The following ZNF536 variants were observed in gnomAD, a reference collection of about 807,000 sequenced individuals.
ZNF536 encodes the protein zinc finger protein 536.
In ZNF536, 13 loss-of-function variants were observed where a neutral mutation model predicts 84.5. The ratio of observed to expected loss-of-function variants is 0.15; its 90% CI spans 0.10 to 0.24. ZNF536 has a LOEUF of 0.24. Ranked by LOEUF, ZNF536 falls within the 10% of genes least tolerant of loss-of-function variation. The pLI is 1.00. For synonymous variants in ZNF536, 811 were observed against 742.5 expected (o/e 1.09, Z -1.50); for missense variants, 1,536 against 1,747.5 (o/e 0.88, Z 2.16).
intron 1 of ZNF536, among the ~76,000 whole-genome samples, chr19:30,633,421 A>G (rs1162054457): frequency 6.6e-6 from 1 of 152,242 alleles, no homozygotes; most frequent in Non-Finnish European, 1.5e-5. Flanking sequence ...TTATAAGAAT[A>G]TTACAAATTT....
chr19:30,229,408 T>C (rs927623742), intron 1 of ZNF536, among the ~76,000 whole-genome samples: 1 of 152,214 alleles, frequency 6.6e-6, no homozygotes, highest in Non-Finnish European at 1.5e-5. Flanking sequence ...TCAAATTTTA[T>C]TGAAAATATG....
At chr19:30,638,042 C>T (rs1029464876) in intron 1 of ZNF536, among the ~76,000 whole-genome samples, 1 of 152,030 alleles carries the variant, frequency 6.6e-6, no homozygotes, top group Non-Finnish European at 1.5e-5. Context: ...CGATGCAAGC[C>T]CTGAAAACTC....
chr19:30,418,530 A>C (rs930160713), intron 1 of ZNF536, among the ~76,000 whole-genome samples: 1 of 152,208 alleles, frequency 6.6e-6, no homozygotes. Context: ...AAACTTGTGC[A>C]TCCTTCCTCA....
intron 2 of ZNF536, among the ~76,000 whole-genome samples, chr19:30,288,088 C>T (rs1372362799): frequency 6.6e-6 from 1 of 152,136 alleles, no homozygotes; most frequent in Non-Finnish European, 1.5e-5. Context: ...TGAAAACCAC[C>T]CTGTTATAAA....
intron 1 of ZNF536, among the ~76,000 whole-genome samples, chr19:30,266,155 C>T (rs1003827983): frequency 6.6e-6 from 1 of 152,188 alleles, no homozygotes; most frequent in African/African-American, 2.4e-5. Context: ...CTCAAGCAAT[C>T]CTCCCATCTC....
rs571523882 is a variant in ZNF536, at chr19:30,444,390, T to C, written c.828T>C (p.Cys276=). The change falls in exon 2 of 5, where the codon TGT becomes TGC. Residue 276 remains cysteine (C), a synonymous_variant. Coordinates refer to ENST00000355537, the MANE Select transcript of ZNF536 (RefSeq NM_014717.3). Reference sequence around the variant, plus strand: ...TGGCCCCGGCGGCGGGCTTCCGCTGTACCTTCTGCAAGGGCAAGTTCAAGA... The same window carrying C: ...TGGCCCCGGCGGCGGGCTTCCGCTGCACCTTCTGCAAGGGCAAGTTCAAGA... The part of the protein sequence containing the change: ...DAVAPAAGFR[C]TFCKGKFKKR... 1.0e-5 allele frequency: 16 copies of C among 1,606,510 alleles called. No individual in the cohort carries two copies. Among genetic ancestry groups the C allele is most frequent in the Non-Finnish European group, 1.3e-5 (15 of 1,179,722 alleles).
chr19:30,369,253 T>A (rs914837369), upstream of ZNF536, among the ~76,000 whole-genome samples: 2 of 152,094 alleles, frequency 1.3e-5, no homozygotes, highest in African/African-American at 4.8e-5. Flanking sequence ...TTCAATAGAG[T>A]TTTCGCAAAG....
At position 30,617,275 on chromosome 19, in the gene ZNF536, C is replaced by T. The variant is rs1781930868; in HGVS notation, c.169+67761C>T. On this transcript the variant is annotated intron_variant, in intron 1 of 1. Transcript: ENST00000592773. ...ACCCAATGTGTTGTCTTTCATCCCT[C>T]ACTCCCCTCCCACCCTTTCCCCACA... Among the ~76,000 whole-genome samples the T allele has an allele frequency of 3.3e-5, 5 of 149,288 alleles. No individual in the cohort carries two copies. The South Asian group carries it at 1.1e-3, about 32-fold the overall frequency.
At chr19:30,507,783 G>A (rs1364080534) in intron 2 of ZNF536, among the ~76,000 whole-genome samples, 1 of 152,150 alleles carries the variant, frequency 6.6e-6, no homozygotes, top group African/African-American at 2.4e-5. Flanking sequence ...AAAATATTAT[G>A]ACTATTTTAA....
intron 1 of ZNF536, among the ~76,000 whole-genome samples, chr19:30,402,976 A>C (rs1169249276): frequency 6.6e-6 from 1 of 151,742 alleles, no homozygotes. Context: ...TTCTCCCTGG[A>C]GTCAAGGAAT....
chr19:30,711,452 G>C (rs1794763172), exon 2 of ZNF536: 1 of 152,112 alleles, frequency 6.6e-6, no homozygotes, highest in East Asian at 1.9e-4. Flanking sequence ...GCTGTAATTC[G>C]CCTAGAACCC....
chr19:30,622,087 T>A (rs1398120267), intron 1 of ZNF536, among the ~76,000 whole-genome samples: 1 of 152,192 alleles, frequency 6.6e-6, no homozygotes, highest in Non-Finnish European at 1.5e-5. Flanking sequence ...TTTCTCCTGC[T>A]GATGCAAGAG....
intron 2 of ZNF536, among the ~76,000 whole-genome samples, chr19:30,340,898 G>A (rs1026762237): frequency 1.3e-5 from 2 of 152,170 alleles, no homozygotes; most frequent in Non-Finnish European, 2.9e-5. Context: ...CATCGTGTGT[G>A]TGTTTTATGT....
upstream of ZNF536, among the ~76,000 whole-genome samples, chr19:30,368,372 G>A (rs574550547): frequency 2.0e-5 from 3 of 152,312 alleles, no homozygotes; most frequent in Admixed American, 6.5e-5. Flanking sequence ...CAAATGTGAA[G>A]TGTCACCAAA....
chr19:30,245,710 G>T (rs1399280166), intron 1 of ZNF536, among the ~76,000 whole-genome samples: 3 of 152,242 alleles, frequency 2.0e-5, no homozygotes, highest in African/African-American at 7.2e-5. Context: ...TTCTCCCTTT[G>T]TAGGGGCACT....
chr19:30,691,427 A>T lies in ZNF536; in HGVS notation c.170-19330A>T, dbSNP rs913947145. 2.1e-5 allele frequency among the ~76,000 whole-genome samples: 3 copies of T among 146,288 alleles called. No individual in the cohort carries two copies. In the East Asian group the frequency reaches 6.2e-4, roughly 30 times the overall value. ...GAGACATTCCTCAACTGTTAATCAA[A>T]TTGGGGCTGAGGGTGAGGGGGTGGG... On this transcript the variant is annotated intron_variant, in intron 1 of 1. Coordinates refer to the ZNF536 transcript ENST00000592773.
chr19:30,578,433 T>C (rs1046115436), intron 1 of ZNF536, among the ~76,000 whole-genome samples: 1 of 152,202 alleles, frequency 6.6e-6, no homozygotes, highest in Non-Finnish European at 1.5e-5. Flanking sequence ...AAAGCAAACA[T>C]CCACAGGTCT....
In ZNF536 at chr19:30,594,605, G is replaced by A. The variant is rs143561731; in HGVS notation, c.169+45091G>A. 2.7e-3 allele frequency among the ~76,000 whole-genome samples: 404 copies of A among 152,254 alleles called. 1 individual carries two copies. The highest frequency in any genetic ancestry group is 4.6e-3 in the African/African-American group (190 of 41,566). ...GCCTTGACCAGATCATTAGGCGCTC[G>A]TCTGCAGGACACCCCCGTGGAGCCT... On this transcript the variant is annotated intron_variant, in intron 1 of 1. Transcript: ENST00000592773.
intron 2 of ZNF536, among the ~76,000 whole-genome samples, chr19:30,339,823 G>A (rs540727793): frequency 3.8e-4 from 58 of 152,170 alleles, no homozygotes; most frequent in Admixed American, 1.7e-3. Context: ...GGTTGCTGTC[G>A]ACTTGGAGGC....
Sources: gnomAD v4.1 joint callset for allele counts (sites outside exome capture counted in the v4.1 genomes callset) on GRCh38, gnomAD v4.1.1 for gene constraint, MANE v1.5 for transcripts, NCBI Gene and HGNC (gene_info 2026-07-23, HGNC 2026-07-21) for gene names.